Variants in DSCAML1 observed in about 807,000 individuals in gnomAD.
DSCAML1 encodes DS cell adhesion molecule like 1.
A neutral mutation model predicts 200.5 loss-of-function variants in DSCAML1; 38 were observed. The observed-to-expected ratio is 0.19, with a 90% CI of 0.15 to 0.25. DSCAML1 has a LOEUF of 0.25. DSCAML1 is among the 10% of genes least tolerant of loss of function. The pLI is 1.00. For missense variants in DSCAML1, 2,223 were observed against 2,858.8 expected, an observed-to-expected ratio of 0.78 and a Z score of 5.07; for synonymous variants, 1,215 against 1,165.0, an observed-to-expected ratio of 1.04 and a Z score of -0.87.
At chr11:117,458,521 G>T (rs1227770006) in intron 19 of DSCAML1, among the ~76,000 whole-genome samples, 1 of 152,008 alleles carries the variant, frequency 6.6e-6, no homozygotes, top group Non-Finnish European at 1.5e-5. Context: ...GCTGCAGAGA[G>T]CAGGTGTGTA....
At chr11:117,649,408 T>C (rs780706582) in intron 3 of DSCAML1, among the ~76,000 whole-genome samples, 1 of 152,170 alleles carries the variant, frequency 6.6e-6, no homozygotes, top group Non-Finnish European at 1.5e-5. Context: ...AGAAAGCCTT[T>C]CCCTTAAAAT....
chr11:117,780,175 A>AG lies in DSCAML1; in HGVS notation c.364+317_364+318insC, dbSNP rs1312928477. On this transcript the variant is annotated intron_variant, in intron 2 of 32. Transcript: ENST00000651296. This position sits in a 1 kb window ranked among gnomAD's most constrained non-coding sequence, Gnocchi z 4.8. ...AGAGAGAGAGAAAGAAAGAAAGAAA[A>AG]AAAGAAAAAAAGAAAGAAAGAAAGA... 2.7e-5 allele frequency among the ~76,000 whole-genome samples: 3 copies of AG among 110,064 alleles called. No homozygotes were observed. The East Asian group carries it at 7.5e-4, about 28-fold the overall frequency. 72.2% of individuals were successfully genotyped at this position (110,064 alleles called of 152,430 possible). A position where few individuals can be genotyped will look rare whatever the true frequency, so the allele number is the denominator to read the frequency against.
chr11:117,501,083 G>A (rs183366340), intron 11 of DSCAML1, among the ~76,000 whole-genome samples: 18 of 152,260 alleles, frequency 1.2e-4, no homozygotes, highest in Admixed American at 1.1e-3. Flanking sequence ...CTCCTGCTGA[G>A]GGCATGGGTA....
At chr11:117,649,177 A>C (rs2137614754) in intron 3 of DSCAML1, among the ~76,000 whole-genome samples, 1 of 151,644 alleles carries the variant, frequency 6.6e-6, no homozygotes, top group African/African-American at 2.4e-5. Flanking sequence ...CCCAGGGTTA[A>C]AGCAAGCCTC....
Position 117,598,121 on chromosome 11 carries a change from C to T in DSCAML1, c.512-65599G>A, listed in dbSNP as rs548607159. On this transcript the variant is annotated intron_variant, in intron 3 of 32. Transcript: ENST00000651296. The stretch of plus-strand genomic sequence containing the variant: ...TTACAAAAGAAAGCAGAACATGAAA[C>T]CTTCAAACATTCTCTCCAGCTCTCC... Among the ~76,000 whole-genome samples the T allele has an allele frequency of 2.8e-4, 42 of 152,274 alleles. 1 individual carries two copies. The highest frequency in any genetic ancestry group is 9.4e-4 in the African/African-American group (39 of 41,544).
intron 4 of DSCAML1, among the ~76,000 whole-genome samples, chr11:117,530,141 C>G (rs1471385166): frequency 1.3e-5 from 2 of 152,080 alleles, no homozygotes; most frequent in East Asian, 1.9e-4. Flanking sequence ...TGGGCTTTAT[C>G]TGTGAGTCTC....
At chr11:117,640,153 G>A (rs946041629) in intron 3 of DSCAML1, among the ~76,000 whole-genome samples, 1 of 152,184 alleles carries the variant, frequency 6.6e-6, no homozygotes, top group Non-Finnish European at 1.5e-5. Context: ...TGCTTGGGCT[G>A]TGGAAGCAGC....
Position 117,518,486 on chromosome 11 carries a change from T to A in DSCAML1, c.1490A>T (p.Gln497Leu). The A allele has an allele frequency of 6.2e-7, 1 of 1,614,208 alleles. No individual in the cohort carries two copies. The highest frequency in any genetic ancestry group is 8.5e-7 in the Non-Finnish European group (1 of 1,180,040). The change falls in exon 7 of 33, where the codon CAG becomes CTG. Residue 497 changes from glutamine to leucine, a missense_variant. Physicochemically the swap from Gln to Leu is moderately radical, Grantham distance 113. This residue lies in a region of DSCAML1 where 579 missense variants were observed against 721.5 expected (regional missense o/e 0.80). Transcript: ENST00000651296. This position sits in a 1 kb window ranked among gnomAD's most constrained non-coding sequence, Gnocchi z 6.3. ...ARNLVGSAEY[Q>L]ARINVRGPPS... ...GGCACCTCTTACGTTTATTCGCGCC[T>A]GATATTCAGCACTGCCCACCAAGTT...
At chr11:117,544,840 C>G (rs1484986766) in intron 3 of DSCAML1, among the ~76,000 whole-genome samples, 1 of 152,184 alleles carries the variant, frequency 6.6e-6, no homozygotes, top group Non-Finnish European at 1.5e-5. Flanking sequence ...GAAGCCTTAA[C>G]TCCCAATGCA....
At chr11:117,748,534 G>A (rs1435738178) in intron 3 of DSCAML1, among the ~76,000 whole-genome samples, 1 of 152,302 alleles carries the variant, frequency 6.6e-6, no homozygotes, top group African/African-American at 2.4e-5. Context: ...CCTGGGTGGT[G>A]TACTGTGAAT....
intron 1 of DSCAML1, among the ~76,000 whole-genome samples, chr11:117,787,284 C>G (rs1157091112): frequency 6.6e-6 from 1 of 152,192 alleles, no homozygotes; most frequent in Admixed American, 6.5e-5. Context: ...ACAGTTTCTG[C>G]TTTATGTAAG....
intron 3 of DSCAML1, among the ~76,000 whole-genome samples, chr11:117,766,993 G>A (rs1007290292): frequency 5.3e-5 from 8 of 152,120 alleles, no homozygotes; most frequent in Admixed American, 3.9e-4. Flanking sequence ...CCCTGGCTGT[G>A]TGACCTTGAG....
rs549098269 is a variant in DSCAML1 at position 117,543,147 on chromosome 11, T to C, written c.512-10625A>G. On this transcript the variant is annotated intron_variant, in intron 3 of 32. Transcript: ENST00000651296. ...GTGGATGAATGATCTCACAGGCTAGTGCAGAGTGAAGTAAGAGGTTAGGGG... is the reference window on the plus strand; with the variant it reads ...GTGGATGAATGATCTCACAGGCTAGCGCAGAGTGAAGTAAGAGGTTAGGGG... Among the ~76,000 whole-genome samples the C allele has an allele frequency of 2.0e-5, 3 of 152,210 alleles. No individual in the cohort carries two copies. In the South Asian group the frequency reaches 6.2e-4, roughly 32 times the overall value.
chr11:117,760,083 C>G (rs2054773149), intron 3 of DSCAML1, among the ~76,000 whole-genome samples: 1 of 152,178 alleles, frequency 6.6e-6, no homozygotes, highest in Non-Finnish European at 1.5e-5. Context: ...CTCCGCACTC[C>G]CATTCCCCCA....
chr11:117,720,575 C>T (rs1290616705), intron 3 of DSCAML1, among the ~76,000 whole-genome samples: 1 of 152,202 alleles, frequency 6.6e-6, no homozygotes, highest in African/African-American at 2.4e-5. Flanking sequence ...TTGCAAACTC[C>T]ATGCTTCCTC....
At chr11:117,794,032 GC>G (rs11301503) in intron 1 of DSCAML1, among the ~76,000 whole-genome samples, 73,811 of 142,328 alleles carry the variant, frequency 0.52, 19,010 homozygotes, top group South Asian at 0.63. Context: ...TTTCCCCATT[GC>G]CCCCCCCCCC....
chr11:117,563,762 G>A (rs2050705386), intron 3 of DSCAML1, among the ~76,000 whole-genome samples: 2 of 152,174 alleles, frequency 1.3e-5, no homozygotes, highest in African/African-American at 4.8e-5. Flanking sequence ...GCTTCTCTAT[G>A]GGACGAGCCG....
At chr11:117,786,579 C>A (rs1409448971) in intron 1 of DSCAML1, among the ~76,000 whole-genome samples, 1 of 152,118 alleles carries the variant, frequency 6.6e-6, no homozygotes, top group Non-Finnish European at 1.5e-5. Flanking sequence ...GGGCTCCCAC[C>A]CCACCTGCCT....
At chr11:117,646,910 C>A (rs1296361955) in intron 3 of DSCAML1, among the ~76,000 whole-genome samples, 1 of 151,894 alleles carries the variant, frequency 6.6e-6, no homozygotes, top group Non-Finnish European at 1.5e-5. Flanking sequence ...GAATTCATCA[C>A]AAATTATCAA....
Sources: gnomAD v4.1 joint callset for allele counts (sites outside exome capture counted in the v4.1 genomes callset) on GRCh38, gnomAD v4.1.1 for gene constraint, gnomAD v4.1.1 regional missense constraint, Gnocchi (gnomAD v3.1) non-coding constraint, MANE v1.5 for transcripts, NCBI Gene and HGNC (gene_info 2026-07-23, HGNC 2026-07-21) for gene names.